Variants in RAB8A observed in about 807,000 individuals in gnomAD.
RAB8A encodes ras-related protein Rab-8A.
Under a neutral mutation model 29.2 loss-of-function variants are expected in RAB8A, and 5 were observed. The ratio of observed to expected loss-of-function variants is 0.17; its 90% CI spans 0.09 to 0.36. The LOEUF (loss-of-function observed/expected upper bound fraction) is 0.36. RAB8A is among the 10% of genes least tolerant of loss of function. The pLI is 1.00. For missense variants in RAB8A, 171 were observed against 272.2 expected (o/e 0.63, Z 2.62); for synonymous variants, 108 against 99.9 (o/e 1.08, Z -0.49).
Position 16,125,600 on chromosome 19 carries a change from C to T in RAB8A, c.324+53C>T. ...CCCTGCTTCAGTCCTTGTCCCAGAGCCCTCTGGTTTACTCATGAGAAGGCC... is the reference window on the plus strand; with the variant it reads ...CCCTGCTTCAGTCCTTGTCCCAGAGTCCTCTGGTTTACTCATGAGAAGGCC... On this transcript the variant is annotated intron_variant, in intron 4 of 7. Coordinates refer to ENST00000300935, the MANE Select transcript of RAB8A (RefSeq NM_005370.5). This position sits in a 1 kb window ranked among gnomAD's most constrained non-coding sequence, Gnocchi z 5.0. 1 of 1,531,160 alleles carries T rather than the reference C, an allele frequency of 6.5e-7. No homozygotes were observed. The highest frequency in any genetic ancestry group is 9.0e-7 in the Non-Finnish European group (1 of 1,111,426). 94.8% of individuals were successfully genotyped at this position (1,531,160 alleles called of 1,614,324 possible). A position where few individuals can be genotyped will look rare whatever the true frequency, so the allele number is the denominator to read the frequency against.
rs547338001 is a variant in RAB8A, at chr19:16,115,928, CA to C, written c.125-2297del. 1.2e-3 allele frequency among the ~76,000 whole-genome samples: 184 copies of C among 152,314 alleles called. No homozygotes were observed. In the Middle Eastern group the frequency reaches 0.014, roughly 11 times the overall value. ...CCAGGCCTGGGCCTCAAGTCTTCCC[CA>C]GCAGGCACTTGAACAAACTCCTGGT... On this transcript the variant is annotated intron_variant, in intron 1 of 7. Transcript: ENST00000300935.
At chr19:16,121,902 G>C (rs2090877155) in intron 3 of RAB8A, 92 bp downstream of exon 3, 2 of 1,283,098 alleles carry the variant, frequency 1.6e-6, no homozygotes, top group Non-Finnish European at 2.2e-6. Context: ...AGATGTTTCT[G>C]TGGAGCCCGT....
rs2090936903 is a variant in RAB8A, at chr19:16,133,212, CTG to C, written c.*910_*911del. ...ACATCTGTAGTGCCATGAAGCGATT[CTG>C]TCTTTGACTTCCAATGGCAAACCTG... On this transcript the variant is annotated 3_prime_UTR_variant, in exon 8 of 8. Transcript: ENST00000300935. 2 of 152,246 alleles carry C rather than the reference CTG, an allele frequency of 1.3e-5. No homozygotes were observed. Among genetic ancestry groups the C allele is most frequent in the African/African-American group, 4.8e-5 (2 of 41,436 alleles). The allele number at this position is 152,246 out of a possible 1,614,324, so 9.4% of individuals were successfully genotyped here. A position where few individuals can be genotyped will look rare whatever the true frequency, so the allele number is the denominator to read the frequency against.
At chr19:16,128,525 G>A (rs929572122) in intron 6 of RAB8A, among the ~76,000 whole-genome samples, 4 of 152,134 alleles carry the variant, frequency 2.6e-5, no homozygotes, top group Admixed American at 1.3e-4. Context: ...TCCACGGGGC[G>A]ACCCCAGCCC....
intron 1 of RAB8A, among the ~76,000 whole-genome samples, chr19:16,114,882 C>T (rs994383289): frequency 1.3e-5 from 2 of 149,512 alleles, no homozygotes; most frequent in Admixed American, 1.3e-4. Flanking sequence ...TCACCATGAC[C>T]TTGAAGGTCA....
At chr19:16,117,637 G>T (rs2090852217) in intron 1 of RAB8A, among the ~76,000 whole-genome samples, 1 of 152,144 alleles carries the variant, frequency 6.6e-6, no homozygotes, top group African/African-American at 2.4e-5. Flanking sequence ...GTGGGGAAAG[G>T]GGATGAAAGC....
chr19:16,130,467 C>G (rs375613737), intron 7 of RAB8A, among the ~76,000 whole-genome samples: 3 of 152,104 alleles, frequency 2.0e-5, no homozygotes, highest in Non-Finnish European at 2.9e-5. Flanking sequence ...TTCTAAGATG[C>G]GGTGTGTTGA....
chr19:16,131,695 A>G (rs557891309), intron 7 of RAB8A, among the ~76,000 whole-genome samples: 9 of 146,522 alleles, frequency 6.1e-5, no homozygotes, highest in Admixed American at 6.1e-4. Context: ...GATGGTTGGA[A>G]GAAGATGGAT....
chr19:16,120,297 A>G (rs898988378), intron 2 of RAB8A, among the ~76,000 whole-genome samples: 2 of 148,502 alleles, frequency 1.3e-5, no homozygotes, highest in Non-Finnish European at 3.0e-5. Context: ...GTCACCAATC[A>G]GTTAGGTCAC....
rs1375695156 is a variant in RAB8A, at chr19:16,127,901, G to A, written c.415-125G>A. The stretch of plus-strand genomic sequence containing the variant: ...TTGAGGGAGTGATCCAGGAAGTCAC[G>A]CCCACAGCCCCAGCCCTGTTGCTGC... On this transcript the variant is annotated intron_variant, in intron 5 of 7. Transcript: ENST00000300935. This position sits in a 1 kb window ranked among gnomAD's most constrained non-coding sequence, Gnocchi z 4.8. 12 of 934,576 alleles carry A rather than the reference G, an allele frequency of 1.3e-5. No homozygotes were observed. Among genetic ancestry groups the A allele is most frequent in the East Asian group, 2.6e-5 (1 of 39,150 alleles). The allele number at this position is 934,576 out of a possible 1,614,324, so 57.9% of individuals were successfully genotyped here.
chr19:16,133,228 A>G lies in RAB8A; in HGVS notation c.*924A>G, dbSNP rs1481890641. On this transcript the variant is annotated 3_prime_UTR_variant, in exon 8 of 8. Transcript: ENST00000300935. ...GAAGCGATTCTGTCTTTGACTTCCAATGGCAAACCTGGGTGATCGGGAACA... is the reference window on the plus strand; with the variant it reads ...GAAGCGATTCTGTCTTTGACTTCCAGTGGCAAACCTGGGTGATCGGGAACA... 1.3e-5 allele frequency: 2 copies of G among 152,264 alleles called. No homozygotes were observed. The highest frequency in any genetic ancestry group is 2.9e-5 in the Non-Finnish European group (2 of 68,018). 9.4% of individuals were successfully genotyped at this position (152,264 alleles called of 1,614,324 possible). A position where few individuals can be genotyped will look rare whatever the true frequency, so the allele number is the denominator to read the frequency against.
At position 16,124,239 on chromosome 19, in the gene RAB8A, A is replaced by C. The variant is rs549227786; in HGVS notation, c.247-1231A>C. On this transcript the variant is annotated intron_variant, in intron 3 of 7. Transcript: ENST00000300935. ...CATGGTTGCGGCTGACTGTGAGGCC[A>C]TTATTCATGTCCCTGAATTCCCAGG... 3.9e-5 allele frequency: 6 copies of C among 152,124 alleles called. 2 individuals are homozygous for C. Among genetic ancestry groups the C allele is most frequent in the African/African-American group, 1.4e-4 (6 of 41,466 alleles). The allele number at this position is 152,124 out of a possible 1,614,324, so 9.4% of individuals were successfully genotyped here.
intron 1 of RAB8A, among the ~76,000 whole-genome samples, chr19:16,115,508 G>T (rs749054683): frequency 1.3e-5 from 2 of 152,170 alleles, no homozygotes; most frequent in African/African-American, 4.8e-5. Context: ...CTGGCTCGGC[G>T]CCACTGCCTC....
At chr19:16,118,781 C>A (rs939780925) in intron 2 of RAB8A, among the ~76,000 whole-genome samples, 1 of 152,208 alleles carries the variant, frequency 6.6e-6, no homozygotes, top group East Asian at 1.9e-4. Context: ...AACCCCAAAC[C>A]GAAATTAAGC....
At position 16,118,302 on chromosome 19, in the gene RAB8A, C is replaced by T; in HGVS notation, c.185+16C>T. The T allele has an allele frequency of 6.2e-7, 1 of 1,603,844 alleles. No individual in the cohort carries two copies. The highest frequency in any genetic ancestry group is 8.5e-7 in the Non-Finnish European group (1 of 1,172,590). On this transcript the variant is annotated intron_variant, in intron 2 of 7. Coordinates refer to ENST00000300935, the MANE Select transcript of RAB8A (RefSeq NM_005370.5). ...TGCAGATATGGTAAGAGTCATTGTTCTCTGTCATTCTCTCCACCTGGCAAT... is the reference window on the plus strand; with the variant it reads ...TGCAGATATGGTAAGAGTCATTGTTTTCTGTCATTCTCTCCACCTGGCAAT...
chr19:16,129,595 C>CA lies in RAB8A; in HGVS notation c.528dup (p.Leu177IlefsTer39). 1 of 1,613,960 alleles carries CA rather than the reference C, an allele frequency of 6.2e-7. No individual in the cohort carries two copies. The stretch of plus-strand genomic sequence containing the variant: ...CCAGAGATATCAAAGCAAAAATGGA[C>CA]AAAAAATTGGTGAGTGTGTGTCCTT... On this transcript the variant is annotated frameshift_variant, in exon 7 of 8. Transcript: ENST00000300935. LOFTEE classifies it high-confidence loss of function.
chr19:16,114,416 A>T (rs1599394032), intron 1 of RAB8A, among the ~76,000 whole-genome samples: 1 of 115,800 alleles, frequency 8.6e-6, no homozygotes, highest in South Asian at 2.7e-4. Flanking sequence ...TCTCTTTGTC[A>T]CCCAGTCTGG....
intron 1 of RAB8A, 67 bp downstream of exon 1, chr19:16,112,092 G>A (rs2090826113): frequency 1.0e-5 from 16 of 1,590,014 alleles, no homozygotes; most frequent in Admixed American, 8.6e-5. Flanking sequence ...GAGGGGCTGG[G>A]GCTGAGGGAT....
At position 16,125,520 on chromosome 19, in the gene RAB8A, C is replaced by T. The variant is rs1428868511; in HGVS notation, c.297C>T (p.Ile99=). ...CCAACGAGAAGTCCTTCGACAACAT[C>T]CGGAACTGGATTCGCAACATTGAGG... is the stretch of plus-strand genomic sequence containing the variant. The part of the protein sequence containing the change: ...DITNEKSFDN[I]RNWIRNIEEH... Residue 99 remains isoleucine (I), a synonymous_variant, in exon 4 of 8, where the codon ATC becomes ATT. Coordinates refer to ENST00000300935, the MANE Select transcript of RAB8A (RefSeq NM_005370.5). This position sits in a 1 kb window ranked among gnomAD's most constrained non-coding sequence, Gnocchi z 5.0. 6.2e-7 allele frequency: 1 copy of T among 1,614,114 alleles called. No homozygotes were observed. Among genetic ancestry groups the T allele is most frequent in the Non-Finnish European group, 8.5e-7 (1 of 1,179,948 alleles).
Sources: allele counts gnomAD v4.1 joint callset (sites outside exome capture counted in the v4.1 genomes callset), GRCh38; gene constraint gnomAD v4.1.1; non-coding constraint Gnocchi (gnomAD v3.1); transcripts MANE v1.5; gene names NCBI Gene and HGNC (gene_info 2026-07-23, HGNC 2026-07-21).